Variants in CD22 observed in about 807,000 individuals in gnomAD.
CD22 encodes CD22 molecule.
Under a neutral mutation model 94.7 loss-of-function variants are expected in CD22, and 51 were observed. That is an observed-to-expected ratio of 0.54 (90% confidence interval 0.43 to 0.68). CD22 has a LOEUF of 0.68. CD22 is among the 30% of genes least tolerant of loss of function. The pLI is 0.00. For missense variants in CD22, 931 were observed against 1,060.4 expected (o/e 0.88, Z 1.69); for synonymous variants, 424 against 422.5 (o/e 1.00, Z -0.04).
At position 35,346,738 on chromosome 19, in the gene CD22, G is replaced by T; in HGVS notation, c.*41G>T. The T allele has an allele frequency of 1.9e-6, 3 of 1,554,960 alleles. No individual in the cohort carries two copies. The highest frequency in any genetic ancestry group is 2.6e-6 in the Non-Finnish European group (3 of 1,149,952). On this transcript the variant is annotated 3_prime_UTR_variant, in exon 14 of 14. Coordinates refer to ENST00000085219, the MANE Select transcript of CD22 (RefSeq NM_001771.4). ...AGCAGAGGCACTGGGGGCAGCGGGG[G>T]CCAGGGAAGTCCCCGAGTTTCCCCA...
At position 35,342,833 on chromosome 19, in the gene CD22, C is replaced by G. The variant is rs117290922; in HGVS notation, c.2035+868C>G. 2.7e-3 allele frequency among the ~76,000 whole-genome samples: 410 copies of G among 151,922 alleles called. 9 individuals carry two copies. The East Asian group carries it at 0.055, about 20-fold the overall frequency. ...AAACGTAAATGATTTTTTTTTTAAA[C>G]GGAGTCTCGATCTGTCACCCAGGCT... On this transcript the variant is annotated intron_variant, in intron 9 of 13. Coordinates refer to ENST00000085219, the MANE Select transcript of CD22 (RefSeq NM_001771.4).
At chr19:35,345,500 G>C (rs961099795) in intron 11 of CD22, 102 bp from the exon 12 acceptor site, 2 of 705,062 alleles carry the variant, frequency 2.8e-6, no homozygotes, top group South Asian at 1.7e-5. Context: ...TGAAGGAAGG[G>C]GATAAAATGT....
rs993030096 is a variant in CD22 at position 35,334,423 on chromosome 19, C to T, written c.412+1499C>T. ...AAAAGAAAAGAAGTAAAACGAACAT[C>T]TTATAATTTTTATAACATAGGTTCA... On this transcript the variant is annotated intron_variant, in intron 3 of 13. Coordinates refer to ENST00000085219, the MANE Select transcript of CD22 (RefSeq NM_001771.4). Among the ~76,000 whole-genome samples, 6 of 151,540 alleles carry T rather than the reference C, an allele frequency of 4.0e-5. 1 individual carries two copies. The highest frequency in any genetic ancestry group is 1.5e-4 in the African/African-American group (6 of 41,344).
At position 35,346,836 on chromosome 19, in the gene CD22, ACT is replaced by A; in HGVS notation, c.*141_*142del. On this transcript the variant is annotated 3_prime_UTR_variant, in exon 14 of 14. Coordinates refer to ENST00000085219, the MANE Select transcript of CD22 (RefSeq NM_001771.4). ...CACACACGCACACACACACACACAC[ACT>A]CACTGCGGAGAACCTTGTGCCTGGC... The A allele has an allele frequency of 2.4e-6, 2 of 832,060 alleles. No homozygotes were observed. Among genetic ancestry groups the A allele is most frequent in the East Asian group, 2.9e-5 (1 of 35,010 alleles). 51.5% of individuals were successfully genotyped at this position (832,060 alleles called of 1,614,324 possible). A position where few individuals can be genotyped will look rare whatever the true frequency, so the allele number is the denominator to read the frequency against.
chr19:35,339,281 G>A (rs1415640142), intron 6 of CD22, among the ~76,000 whole-genome samples: 1 of 151,714 alleles, frequency 6.6e-6, no homozygotes, highest in Non-Finnish European at 1.5e-5. Context: ...ATAGGTGTGA[G>A]CTGGGCACAG....
intron 9 of CD22, among the ~76,000 whole-genome samples, chr19:35,342,972 G>A (rs536948867): frequency 7.2e-5 from 11 of 152,094 alleles, no homozygotes; most frequent in East Asian, 1.9e-4. Flanking sequence ...CACCATGCCC[G>A]GCTAATTTTT....
At chr19:35,344,764 C>A in intron 9 of CD22, 65 bp from the exon 10 acceptor site, 1 of 1,246,460 alleles carries the variant, frequency 8.0e-7, no homozygotes, top group Non-Finnish European at 1.1e-6. Context: ...GGATGCCTTC[C>A]AGGCAAAGGC....
chr19:35,340,266 C>T (rs1274545630), intron 6 of CD22, among the ~76,000 whole-genome samples: 1 of 152,002 alleles, frequency 6.6e-6, no homozygotes. Context: ...TCTCAGGACT[C>T]ACCCCCCACC....
rs149707903 is a variant in CD22, at chr19:35,346,129, G to A, written c.2328-22G>A. ...CGTGGGAGATGCTTCATGCGTGGTC[G>A]TCTATCTGCCCTGTCTCTCAGAGAT... On this transcript the variant is annotated intron_variant, in intron 12 of 13. Transcript: ENST00000085219. 10,448 of 1,590,704 alleles carry A rather than the reference G, an allele frequency of 6.6e-3. 62 individuals are homozygous for A. The highest frequency in any genetic ancestry group is 7.6e-3 in the Non-Finnish European group (8,788 of 1,159,050).
chr19:35,330,019 T>C (rs2145641739), intron 1 of CD22: 1 of 151,048 alleles, frequency 6.6e-6, no homozygotes, highest in African/African-American at 2.4e-5. Flanking sequence ...GTTTTTAAAG[T>C]CCTGCAGTAA....
Position 35,338,427 on chromosome 19 carries a change from C to T in CD22, c.1245C>T (p.Val415=), listed in dbSNP as rs758762822. Residue 415 remains valine, a synonymous_variant, in exon 6 of 14, where the codon GTC becomes GTT. Coordinates refer to ENST00000085219, the MANE Select transcript of CD22 (RefSeq NM_001771.4). ...GGGGCCCGGGAGCTGAGCTGGATGT[C>T]CAGTGTGAGTAGCCACGGAGCCTCT... The part of the protein sequence containing the change: ...GQRGPGAELD[V]QYPPKKVTTV... The T allele has an allele frequency of 1.8e-5, 29 of 1,611,704 alleles. No individual in the cohort carries two copies. Among genetic ancestry groups the T allele is most frequent in the Non-Finnish European group, 2.3e-5 (27 of 1,178,516 alleles).
At chr19:35,335,326 T>G (rs2066705549) in intron 3 of CD22, among the ~76,000 whole-genome samples, 2 of 151,236 alleles carry the variant, frequency 1.3e-5, no homozygotes, top group African/African-American at 4.9e-5. Flanking sequence ...GAGGCTGAGA[T>G]CGGAGGATCG....
Position 35,332,939 on chromosome 19 carries a change from G to GA in CD22, c.412+16dup, listed in dbSNP as rs750745733. On this transcript the variant is annotated intron_variant, in intron 3 of 13. Coordinates refer to ENST00000085219, the MANE Select transcript of CD22 (RefSeq NM_001771.4). ...CAATGTCTCTGGTAAGGCCTTCGGG[G>GA]AGCGGGTCCTCTGCTCTGGGCAGGG... 3 of 1,609,272 alleles carry GA rather than the reference G, an allele frequency of 1.9e-6. No individual in the cohort carries two copies. In the African/African-American group the frequency reaches 4.0e-5, roughly 21 times the overall value.
Position 35,338,445 on chromosome 19 carries a change from G to A in CD22, c.1249+14G>A. On this transcript the variant is annotated intron_variant, in intron 6 of 13. Coordinates refer to ENST00000085219, the MANE Select transcript of CD22 (RefSeq NM_001771.4). ...TGGATGTCCAGTGTGAGTAGCCACG[G>A]AGCCTCTGGTTCTAGGGAGAGAAGA... 1 of 1,607,266 alleles carries A rather than the reference G, an allele frequency of 6.2e-7. No individual in the cohort carries two copies. Among genetic ancestry groups the A allele is most frequent in the East Asian group, 2.2e-5 (1 of 44,778 alleles).
chr19:35,339,896 A>T (rs1235136916), intron 6 of CD22, among the ~76,000 whole-genome samples: 3 of 152,178 alleles, frequency 2.0e-5, no homozygotes. Flanking sequence ...GGACTCCATG[A>T]GGGACACAGA....
chr19:35,344,952 TCCTCTATC>T, intron 10 of CD22, 27 bp downstream of exon 10: 2 of 1,604,318 alleles, frequency 1.2e-6, no homozygotes, highest in African/African-American at 2.7e-5. Flanking sequence ...CCCCACCACC[TCCTCTATC>T]CCTTGGCAGA....
At position 35,336,282 on chromosome 19, in the gene CD22, A is replaced by C. The variant is rs2066722533; in HGVS notation, c.659A>C (p.Gln220Pro). ...CACCATGGGAAGATTGTGACCTGCC[A>C]GCTTCAGGATGCAGATGGGAAGTTC... ...WSHHGKIVTCQLQDADGKFLS... is the reference protein window; with the variant it reads ...WSHHGKIVTCPLQDADGKFLS... The change falls in exon 4 of 14, where the codon CAG (glutamine) becomes CCG (proline). Residue 220 changes from glutamine (Q) to proline (P), a missense_variant. Coordinates refer to ENST00000085219, the MANE Select transcript of CD22 (RefSeq NM_001771.4). 6.2e-7 allele frequency: 1 copy of C among 1,614,222 alleles called. No individual in the cohort carries two copies. Among genetic ancestry groups the C allele is most frequent in the Non-Finnish European group, 8.5e-7 (1 of 1,180,028 alleles).
At chr19:35,338,117 G>A (rs753706007) in intron 5 of CD22, 51 bp from the exon 6 acceptor site, 3 of 1,581,452 alleles carry the variant, frequency 1.9e-6, no homozygotes, top group Admixed American at 1.7e-5. Flanking sequence ...CGTGTGCACA[G>A]GTTGGGGGTG....
At position 35,341,741 on chromosome 19, in the gene CD22, A is replaced by T; in HGVS notation, c.1811A>T (p.Asp604Val). 1 of 1,611,222 alleles carries T rather than the reference A, an allele frequency of 6.2e-7. No homozygotes were observed. The highest frequency in any genetic ancestry group is 8.5e-7 in the Non-Finnish European group (1 of 1,179,956). ...RRLRVSMSPG[D>V]QVMEGKSATL... ...CTGCGTGTGTCCATGAGCCCGGGGGACCAAGTGATGGAGGGGAAGAGTGCA... is the reference window on the plus strand; with the variant it reads ...CTGCGTGTGTCCATGAGCCCGGGGGTCCAAGTGATGGAGGGGAAGAGTGCA... Residue 604 changes from aspartate to valine, a missense_variant, in exon 9 of 14, where the codon GAC becomes GTC. By Grantham distance (152) the Asp-to-Val change is radical. Coordinates refer to ENST00000085219, the MANE Select transcript of CD22 (RefSeq NM_001771.4). This position sits in a 1 kb window ranked among gnomAD's most constrained non-coding sequence, Gnocchi z 4.0.
Sources: gnomAD v4.1 joint callset for allele counts (sites outside exome capture counted in the v4.1 genomes callset) on GRCh38, gnomAD v4.1.1 for gene constraint, Gnocchi (gnomAD v3.1) non-coding constraint, MANE v1.5 for transcripts, NCBI Gene and HGNC (gene_info 2026-07-23, HGNC 2026-07-21) for gene names.